Variants in MCTP1 observed in about 807,000 individuals in gnomAD.
MCTP1 encodes the protein multiple C2 and transmembrane domain containing 1.
MCTP1 carries 69 observed loss-of-function variants against 120.6 expected under a neutral mutation model. The observed-to-expected ratio is 0.57, with a 90% confidence interval of 0.47 to 0.70. The LOEUF is 0.70. MCTP1 is among the 30% of genes least tolerant of loss of function. MCTP1 has a pLI of 0.00. For synonymous variants in MCTP1, 529 were observed against 493.1 expected (o/e 1.07, Z -0.96); for missense variants, 1,203 against 1,248.8 (o/e 0.96, Z 0.55).
chr5:94,911,992 G>A (rs940573830), intron 9 of MCTP1, among the ~76,000 whole-genome samples: 1 of 151,918 alleles, frequency 6.6e-6, no homozygotes, highest in Admixed American at 6.6e-5. Context: ...TTTTACAGAT[G>A]GGAAAACTAA....
In MCTP1 at chr5:95,284,046, T is replaced by TC. The variant is rs1347956181; in HGVS notation, c.529dup (p.Asp177GlyfsTer6). The stretch of plus-strand genomic sequence containing the variant: ...CCGTGCACCCTCATCTCGGGCGCGG[T>TC]CCCCCCTCGGGGGAGGCTGGGGCGA... On this transcript the variant is annotated frameshift_variant, in exon 1 of 23. Coordinates refer to ENST00000515393, the MANE Select transcript of MCTP1 (RefSeq NM_024717.7). LOFTEE classifies it high-confidence loss of function. The surrounding 1 kb of genome is among the most constrained non-coding windows in gnomAD (Gnocchi z 5.2). The TC allele has an allele frequency of 6.6e-7, 1 of 1,521,870 alleles. No homozygotes were observed. 94.3% of individuals were successfully genotyped at this position (1,521,870 alleles called of 1,614,324 possible). A position where few individuals can be genotyped will look rare whatever the true frequency, so the allele number is the denominator to read the frequency against.
At chr5:95,054,377 G>A (rs1212322633) in intron 1 of MCTP1, among the ~76,000 whole-genome samples, 1 of 152,204 alleles carries the variant, frequency 6.6e-6, no homozygotes, top group African/African-American at 2.4e-5. Context: ...GATAAACTAT[G>A]ATTCAATTTA....
chr5:94,966,485 C>CA (rs1440934665), intron 2 of MCTP1, among the ~76,000 whole-genome samples: 1 of 152,024 alleles, frequency 6.6e-6, no homozygotes, highest in African/African-American at 2.4e-5. Flanking sequence ...TAACTTGCTC[C>CA]AAGTCATACA....
chr5:94,900,343 GC>G (rs986815220), intron 10 of MCTP1, among the ~76,000 whole-genome samples: 3 of 152,172 alleles, frequency 2.0e-5, no homozygotes, highest in African/African-American at 2.4e-5. Flanking sequence ...TCAGCACGTG[GC>G]ACACCAACTG....
chr5:94,916,649 T>C (rs1408878438), intron 8 of MCTP1, among the ~76,000 whole-genome samples: 2 of 152,200 alleles, frequency 1.3e-5, no homozygotes, highest in African/African-American at 4.8e-5. Context: ...CAAGGTAACT[T>C]CTGAGTCACT....
chr5:95,134,528 C>A (rs1205893972), intron 1 of MCTP1, among the ~76,000 whole-genome samples: 1 of 152,206 alleles, frequency 6.6e-6, no homozygotes, highest in Non-Finnish European at 1.5e-5. Flanking sequence ...AGTCCTTCCG[C>A]TTTTCAGGTG....
intron 1 of MCTP1, among the ~76,000 whole-genome samples, chr5:95,088,132 A>T (rs1473252613): frequency 6.6e-6 from 1 of 152,230 alleles, no homozygotes; most frequent in Non-Finnish European, 1.5e-5. Flanking sequence ...TCTGGAGGAC[A>T]GATGTGCTCT....
chr5:95,266,226 A>G (rs1371967542), intron 1 of MCTP1, among the ~76,000 whole-genome samples: 1 of 152,214 alleles, frequency 6.6e-6, no homozygotes, highest in East Asian at 1.9e-4. Context: ...CATGGTTGAA[A>G]TTTCAGAGAC....
chr5:94,948,250 C>T (rs961723833), intron 3 of MCTP1, among the ~76,000 whole-genome samples: 29 of 152,032 alleles, frequency 1.9e-4, no homozygotes, highest in Non-Finnish European at 3.5e-4. Flanking sequence ...ACAAAAGAGA[C>T]GAAAACAGTT....
At position 95,090,073 on chromosome 5, in the gene MCTP1, A is replaced by C. The variant is rs1377429585; in HGVS notation, c.721-72589T>G. ...TCCTTTCATTCCTCTCCACATCATG[A>C]AACAATTTTAGGGATTGTTAAGCAA... On this transcript the variant is annotated intron_variant, in intron 1 of 22. Transcript: ENST00000515393. Among the ~76,000 whole-genome samples, 3 of 152,140 alleles carry C rather than the reference A, an allele frequency of 2.0e-5. No individual in the cohort carries two copies. In the East Asian group the frequency reaches 5.8e-4, roughly 29 times the overall value.
intron 1 of MCTP1, among the ~76,000 whole-genome samples, chr5:95,045,997 A>T (rs1843069518): frequency 6.6e-6 from 1 of 152,160 alleles, no homozygotes; most frequent in African/African-American, 2.4e-5. Context: ...GGCTCTGAGA[A>T]TTTAATGAGT....
chr5:94,928,630 A>G (rs778840112), intron 6 of MCTP1, among the ~76,000 whole-genome samples: 4 of 152,174 alleles, frequency 2.6e-5, no homozygotes, highest in Non-Finnish European at 5.9e-5. Context: ...CGTAATAGAA[A>G]GTGTGCTTGT....
chr5:95,118,623 T>C (rs543897065), intron 1 of MCTP1, among the ~76,000 whole-genome samples: 9 of 152,142 alleles, frequency 5.9e-5, no homozygotes, highest in Non-Finnish European at 1.3e-4. Context: ...CAAGATCTAA[T>C]GATCCGTTGC....
At chr5:94,811,277 C>A (rs570385681) in intron 17 of MCTP1, among the ~76,000 whole-genome samples, 5 of 152,278 alleles carry the variant, frequency 3.3e-5, no homozygotes, top group South Asian at 2.1e-4. Context: ...AGTTACTGCA[C>A]GGGAAGCCTA....
In MCTP1 at chr5:94,870,884, C is replaced by A; in HGVS notation, c.2229G>T (p.Val743=). The A allele has an allele frequency of 1.9e-6, 3 of 1,610,062 alleles. No individual in the cohort carries two copies. The highest frequency in any genetic ancestry group is 2.2e-5 in the South Asian group (2 of 90,998). ...AGTTAAGACTTACAGCATTAAAAAT[C>A]ACATCTATTTCAAGATAGATGACCC... ...TKGVIYLEID[V]IFNAVKASLR... The change falls in exon 15 of 23, where the codon GTG becomes GTT. Residue 743 remains valine, a synonymous_variant. Coordinates refer to ENST00000515393, the MANE Select transcript of MCTP1 (RefSeq NM_024717.7).
chr5:95,159,111 A>G (rs1745445118), intron 1 of MCTP1, among the ~76,000 whole-genome samples: 1 of 152,216 alleles, frequency 6.6e-6, no homozygotes, highest in South Asian at 2.1e-4. Flanking sequence ...CGTCTAAAAA[A>G]TAATTAAAGT....
chr5:94,815,246 A>C (rs933619616), intron 17 of MCTP1, among the ~76,000 whole-genome samples: 30 of 152,326 alleles, frequency 2.0e-4, no homozygotes, highest in African/African-American at 7.0e-4. Flanking sequence ...GGATAACCCC[A>C]TATCTTCCTA....
intron 19 of MCTP1, among the ~76,000 whole-genome samples, chr5:94,730,839 C>T (rs1027531421): frequency 6.6e-5 from 10 of 152,126 alleles, no homozygotes; most frequent in Middle Eastern, 6.8e-3. Context: ...CATTTGGGAA[C>T]CTCTATAATA....
At chr5:95,142,324 T>C (rs939161176) in intron 1 of MCTP1, among the ~76,000 whole-genome samples, 12 of 152,308 alleles carry the variant, frequency 7.9e-5, no homozygotes, top group African/African-American at 2.6e-4. Flanking sequence ...TTTTACTAAT[T>C]TGAGCTGTCT....
Sources: gnomAD v4.1 joint callset for allele counts (sites outside exome capture counted in the v4.1 genomes callset) on GRCh38, gnomAD v4.1.1 for gene constraint, Gnocchi (gnomAD v3.1) non-coding constraint, MANE v1.5 for transcripts, NCBI Gene and HGNC (gene_info 2026-07-23, HGNC 2026-07-21) for gene names.